Variants in SLC16A12 observed in about 807,000 individuals in gnomAD.
The protein encoded by SLC16A12 is solute carrier family 16 member 12, also known as monocarboxylate transporter 12.
A neutral mutation model predicts 42.4 loss-of-function variants in SLC16A12; 17 were observed. The observed-to-expected ratio is 0.40, with a 90% confidence interval of 0.27 to 0.60. The LOEUF (loss-of-function observed/expected upper bound fraction) is 0.60, where lower values mean the gene tolerates loss of function less well. SLC16A12 is among the 20% of genes least tolerant of loss of function. SLC16A12 has a pLI of 0.42. For synonymous variants in SLC16A12, 224 were observed against 229.4 expected (o/e 0.98, Z 0.21); for missense variants, 544 against 623.0 (o/e 0.87, Z 1.35).
intron 2 of SLC16A12, among the ~76,000 whole-genome samples, chr10:89,479,325 G>A (rs1034344351): frequency 2.6e-5 from 4 of 151,768 alleles, no homozygotes; most frequent in African/African-American, 4.8e-5. Flanking sequence ...TTTCATGTGG[G>A]ATCTGCCTAT....
At chr10:89,525,289 A>AATTAGGT (rs1467535786) in intron 2 of SLC16A12, among the ~76,000 whole-genome samples, 1 of 152,060 alleles carries the variant, frequency 6.6e-6, no homozygotes, top group African/African-American at 2.4e-5. Context: ...ATTAGCAGTC[A>AATTAGGT]ATTAGGTATA....
intron 2 of SLC16A12, among the ~76,000 whole-genome samples, chr10:89,482,814 C>T (rs1183782687): frequency 1.3e-5 from 2 of 151,260 alleles, no homozygotes; most frequent in East Asian, 1.9e-4. Context: ...ATAGAATAGA[C>T]CAAGAAAAAA....
At chr10:89,473,259 A>G (rs11813257) in intron 2 of SLC16A12, among the ~76,000 whole-genome samples, 6,644 of 152,174 alleles carry the variant, frequency 0.044, 479 homozygotes, top group African/African-American at 0.15. Context: ...TGATTTCAAG[A>G]CTTGTTCTAA....
chr10:89,498,208 G>A (rs2133817510), intron 2 of SLC16A12, among the ~76,000 whole-genome samples: 1 of 152,164 alleles, frequency 6.6e-6, no homozygotes, highest in South Asian at 2.1e-4. Context: ...AGGTGGGTAG[G>A]GTAGGGGTGG....
At chr10:89,460,963 T>C (rs1288049137) in intron 3 of SLC16A12, among the ~76,000 whole-genome samples, 3 of 152,190 alleles carry the variant, frequency 2.0e-5, no homozygotes, top group African/African-American at 7.2e-5. Flanking sequence ...AACATCTTAT[T>C]CTATCCTGCA....
chr10:89,505,888 C>T (rs1843052999), intron 2 of SLC16A12, among the ~76,000 whole-genome samples: 1 of 152,140 alleles, frequency 6.6e-6, no homozygotes, highest in East Asian at 1.9e-4. Flanking sequence ...GATGCTGGAG[C>T]TTGGCAGAGG....
intron 2 of SLC16A12, among the ~76,000 whole-genome samples, chr10:89,496,941 C>T (rs1371296162): frequency 6.6e-6 from 1 of 152,268 alleles, no homozygotes; most frequent in South Asian, 2.1e-4. Context: ...AGGACTTTGA[C>T]AGGCAATCCA....
intron 3 of SLC16A12, 148 bp downstream of exon 3, chr10:89,462,231 G>A: frequency 9.2e-7 from 1 of 1,081,886 alleles, no homozygotes; most frequent in Non-Finnish European, 1.3e-6. Context: ...CAAAGAAAAT[G>A]ATACCTGAAG....
intron 3 of SLC16A12, among the ~76,000 whole-genome samples, chr10:89,445,676 T>C (rs1841988902): frequency 6.6e-6 from 1 of 152,178 alleles, no homozygotes; most frequent in Admixed American, 6.5e-5. Flanking sequence ...CTGAAAATTC[T>C]AAAAACTGGA....
At chr10:89,455,351 C>T (rs141103299) in intron 3 of SLC16A12, among the ~76,000 whole-genome samples, 77 of 152,184 alleles carry the variant, frequency 5.1e-4, no homozygotes, top group African/African-American at 1.6e-3. Flanking sequence ...TTAAAGGTTA[C>T]TTTGATTTCT....
intron 3 of SLC16A12, among the ~76,000 whole-genome samples, chr10:89,458,694 G>A (rs750497825): frequency 2.0e-5 from 3 of 152,126 alleles, no homozygotes; most frequent in Admixed American, 6.5e-5. Context: ...ACTTAATTAC[G>A]ATTTGGTTGG....
intron 2 of SLC16A12, among the ~76,000 whole-genome samples, chr10:89,542,301 T>C (rs1030637038): frequency 3.1e-4 from 37 of 118,382 alleles, no homozygotes; most frequent in Non-Finnish European, 5.3e-4. Context: ...ATTTTCTTTT[T>C]TTTTCTTTTT....
At chr10:89,454,986 T>G (rs1392218581) in intron 3 of SLC16A12, among the ~76,000 whole-genome samples, 3 of 152,080 alleles carry the variant, frequency 2.0e-5, no homozygotes, top group African/African-American at 7.2e-5. Flanking sequence ...GAGGAAGGAT[T>G]AAAGTTGGTA....
At chr10:89,473,127 CT>C (rs35439283) in intron 2 of SLC16A12, among the ~76,000 whole-genome samples, 45,876 of 141,790 alleles carry the variant, frequency 0.32, 8,074 homozygotes, top group Non-Finnish European at 0.44. Flanking sequence ...CCTCAGCAGT[CT>C]TTTTTTTTTT....
At chr10:89,554,227 G>T (rs1843794739) in intron 2 of SLC16A12, among the ~76,000 whole-genome samples, 1 of 152,050 alleles carries the variant, frequency 6.6e-6, no homozygotes, top group African/African-American at 2.4e-5. Context: ...GACTTCCCTA[G>T]AAAAATCTGG....
intron 3 of SLC16A12, among the ~76,000 whole-genome samples, chr10:89,457,224 T>G (rs759911692): frequency 6.6e-6 from 1 of 151,906 alleles, no homozygotes; most frequent in African/African-American, 2.4e-5. Flanking sequence ...TTGCAACCTA[T>G]CCATCTGACA....
chr10:89,479,264 C>T (rs1347005102), intron 2 of SLC16A12, among the ~76,000 whole-genome samples: 1 of 151,882 alleles, frequency 6.6e-6, no homozygotes, highest in East Asian at 1.9e-4. Flanking sequence ...TATCTGTTTC[C>T]TTGGGAGAAA....
rs146671517 is a variant in SLC16A12 at position 89,506,256 on chromosome 10, C to G, written c.-47+28245G>C. On this transcript the variant is annotated intron_variant, in intron 2 of 7. Transcript: ENST00000371790. ...ACAGACTGCCTCCTCAACTGGGTCC[C>G]TGACCCCATGTAGCCTGACTGGGAG... Among the ~76,000 whole-genome samples, 643 of 152,328 alleles carry G rather than the reference C, an allele frequency of 4.2e-3. 3 individuals carry two copies. Among genetic ancestry groups the G allele is most frequent in the Non-Finnish European group, 7.8e-3 (529 of 68,028 alleles).
chr10:89,544,417 C>A (rs1164464429), intron 2 of SLC16A12, among the ~76,000 whole-genome samples: 1 of 152,054 alleles, frequency 6.6e-6, no homozygotes, highest in Non-Finnish European at 1.5e-5. Flanking sequence ...TTTTTGGATC[C>A]CATTGGATCA....
Sources: gnomAD v4.1 joint callset for allele counts (sites outside exome capture counted in the v4.1 genomes callset) on GRCh38, gnomAD v4.1.1 for gene constraint, MANE v1.5 for transcripts, NCBI Gene and HGNC (gene_info 2026-07-23, HGNC 2026-07-21) for gene names.